The following PREX2 variants were observed in gnomAD, a reference collection of about 807,000 sequenced individuals.
PREX2 encodes the protein phosphatidylinositol-3,4,5-trisphosphate dependent Rac exchange factor 2, also known as phosphatidylinositol 3,4,5-trisphosphate-dependent Rac exchanger 2 protein.
A neutral mutation model predicts 203.2 loss-of-function variants in PREX2; 107 were observed. The observed-to-expected ratio is 0.53, with a 90% CI of 0.45 to 0.62. The LOEUF (loss-of-function observed/expected upper bound fraction) is 0.62, where lower values mean the gene tolerates loss of function less well. PREX2 is among the 20% of genes least tolerant of loss of function. The pLI, the probability that PREX2 is intolerant of heterozygous loss-of-function variation, is 0.00. For synonymous variants in PREX2, 672 were observed against 663.6 expected (o/e 1.01, Z -0.19); for missense variants, 1,777 against 1,955.9 (o/e 0.91, Z 1.72).
chr8:68,081,016 A>G (rs1037204094), intron 17 of PREX2, among the ~76,000 whole-genome samples, 178 bp downstream of exon 17: 1 of 152,152 alleles, frequency 6.6e-6, no homozygotes, highest in Non-Finnish European at 1.5e-5. Context: ...GATTAGCAGC[A>G]GCTGAGTCCT....
chr8:68,020,241 A>G (rs1807530607), intron 3 of PREX2, among the ~76,000 whole-genome samples: 1 of 151,874 alleles, frequency 6.6e-6, no homozygotes, highest in South Asian at 2.1e-4. Context: ...CTCTTTATAA[A>G]TGATGCCCGA....
At chr8:68,126,948 A>G (rs577491366) in intron 30 of PREX2, among the ~76,000 whole-genome samples, 1 of 152,060 alleles carries the variant, frequency 6.6e-6, no homozygotes, top group Non-Finnish European at 1.5e-5. Flanking sequence ...GTAAACTTTG[A>G]AAGTTTAAAT....
chr8:68,189,009 T>C (rs968693621), intron 35 of PREX2, among the ~76,000 whole-genome samples: 7 of 152,244 alleles, frequency 4.6e-5, no homozygotes, highest in African/African-American at 1.7e-4. Flanking sequence ...ATTTGCATTC[T>C]AGTGGGGAGT....
intron 35 of PREX2, among the ~76,000 whole-genome samples, chr8:68,179,350 G>C (rs1194738795): frequency 6.6e-6 from 1 of 152,054 alleles, no homozygotes; most frequent in East Asian, 1.9e-4. Context: ...TTTTTTTAAA[G>C]CTGCTGAGAG....
intron 6 of PREX2, among the ~76,000 whole-genome samples, chr8:68,037,608 G>A (rs149853719): frequency 0.015 from 2,268 of 152,224 alleles, 23 homozygotes; most frequent in Non-Finnish European, 0.025. Flanking sequence ...TAATTAGCTA[G>A]AGTGCCTTTG....
At chr8:68,217,764 A>ACTT in intron 38 of PREX2, 46 bp downstream of exon 38, 6 of 1,354,134 alleles carry the variant, frequency 4.4e-6, no homozygotes, top group Non-Finnish European at 6.3e-6. Context: ...TAGGCCCTGG[A>ACTT]CTTGAAGATT....
At chr8:68,105,080 A>G in intron 23 of PREX2, 1 of 1,300,992 alleles carries the variant, frequency 7.7e-7, no homozygotes, top group South Asian at 1.2e-5. Context: ...TTGCACAATC[A>G]GGATGTTCTC....
intron 33 of PREX2, among the ~76,000 whole-genome samples, chr8:68,145,582 A>G (rs1189766315): frequency 6.6e-6 from 1 of 152,298 alleles, no homozygotes; most frequent in East Asian, 1.9e-4. Context: ...AAGTATCATC[A>G]AATGGAGAGG....
In PREX2 at chr8:68,097,035, A is replaced by C. The variant is rs758789015; in HGVS notation, c.2387A>C (p.Asn796Thr). The change falls in exon 22 of 40, where the codon AAC becomes ACC. Residue 796 changes from asparagine (N) to threonine (T), a missense_variant. Asn to Thr is a moderately conservative substitution (Grantham distance 65). Coordinates refer to ENST00000288368, the MANE Select transcript of PREX2 (RefSeq NM_024870.4). ...GTTCCAGAGGTTATTGACAAATTCA[A>C]CACTATGGCCATCATTGATGGGAAG... ...CKVEEVIDKF[N>T]TMAIIDGKKE... 6.8e-6 allele frequency: 11 copies of C among 1,613,604 alleles called. No homozygotes were observed. Among genetic ancestry groups the C allele is most frequent in the Non-Finnish European group, 4.2e-6 (5 of 1,179,746 alleles).
At chr8:68,143,163 C>G (rs1811258694) in intron 33 of PREX2, among the ~76,000 whole-genome samples, 1 of 151,938 alleles carries the variant, frequency 6.6e-6, no homozygotes. Flanking sequence ...GTGTCCTTAC[C>G]CAAATCTCAT....
chr8:68,047,488 T>TATATATATATAC lies in PREX2; in HGVS notation c.943+2909_943+2910insCATATATATATA, dbSNP rs1274949562. 4.3e-4 allele frequency among the ~76,000 whole-genome samples: 48 copies of TATATATATATAC among 110,358 alleles called. 1 individual carries two copies. Among genetic ancestry groups the TATATATATATAC allele is most frequent in the African/African-American group, 2.4e-3 (47 of 19,560 alleles). The allele number at this position is 110,358 out of a possible 152,430, so 72.4% of individuals were successfully genotyped here. A position where few individuals can be genotyped will look rare whatever the true frequency, so the allele number is the denominator to read the frequency against. ...ATGAATTTATATATATATATATATA[T>TATATATATATAC]ATATATATATATATATATACACATA... is the stretch of plus-strand genomic sequence containing the variant. On this transcript the variant is annotated intron_variant, in intron 8 of 39. Coordinates refer to ENST00000288368, the MANE Select transcript of PREX2 (RefSeq NM_024870.4).
intron 31 of PREX2, among the ~76,000 whole-genome samples, chr8:68,130,917 C>T (rs1027259873): frequency 6.6e-6 from 1 of 152,134 alleles, no homozygotes; most frequent in African/African-American, 2.4e-5. Flanking sequence ...CAATGAGTTT[C>T]AATAGTTTGA....
intron 1 of PREX2, among the ~76,000 whole-genome samples, chr8:67,974,377 G>A (rs77830587): frequency 0.024 from 3,638 of 151,578 alleles, 70 homozygotes; most frequent in Non-Finnish European, 0.042. Context: ...TTTTTAAAAA[G>A]CATTCTCATA....
intron 26 of PREX2, 143 bp from the exon 27 acceptor site, chr8:68,118,407 C>A: frequency 3.6e-6 from 2 of 549,932 alleles, no homozygotes; most frequent in Non-Finnish European, 6.4e-6. Flanking sequence ...GTAAGATAGA[C>A]TGAGTTGAAC....
At chr8:68,006,440 C>G (rs184515953) in intron 1 of PREX2, among the ~76,000 whole-genome samples, 1 of 152,248 alleles carries the variant, frequency 6.6e-6, no homozygotes, top group African/African-American at 2.4e-5. Flanking sequence ...CAGTTATATC[C>G]TATTAGATGC....
rs199557569 is a variant in PREX2 at position 68,017,923 on chromosome 8, G to A, written c.213+6G>A. 1.6e-4 allele frequency: 251 copies of A among 1,608,490 alleles called. 2 individuals carry two copies. In the South Asian group the frequency reaches 1.6e-3, roughly 11 times the overall value. The stretch of plus-strand genomic sequence containing the variant: ...TGACAGAAGAAACAGTGAAGGTGAG[G>A]AGGTACAACTGGCCTTCAACCTGAG... On this transcript the variant is annotated splice_donor_region_variant and intron_variant, in intron 2 of 39. Transcript: ENST00000288368.
At chr8:68,095,602 T>C (rs1345594471) in intron 21 of PREX2, among the ~76,000 whole-genome samples, 1 of 151,100 alleles carries the variant, frequency 6.6e-6, no homozygotes, top group Non-Finnish European at 1.5e-5. Flanking sequence ...TGTATATATA[T>C]ATCTTTCTTT....
In PREX2 at chr8:68,078,058, A is replaced by G. The variant is rs144348892; in HGVS notation, c.1642+589A>G. 3.9e-3 allele frequency among the ~76,000 whole-genome samples: 599 copies of G among 152,266 alleles called. 5 individuals carry two copies. The highest frequency in any genetic ancestry group is 0.02 in the Admixed American group (304 of 15,296). ...GACTTCAAGTAAGTCATCAAACAAT[A>G]ATTTTTAAATAAAGTTCTTAGATTT... On this transcript the variant is annotated intron_variant, in intron 15 of 39. Coordinates refer to ENST00000288368, the MANE Select transcript of PREX2 (RefSeq NM_024870.4).
chr8:67,955,082 T>G (rs568686036), intron 1 of PREX2, among the ~76,000 whole-genome samples: 221 of 139,874 alleles, frequency 1.6e-3, no homozygotes, highest in African/African-American at 5.6e-3. Flanking sequence ...AGGTGGAGGT[T>G]GCAGTGAGCC....
Sources: gnomAD v4.1 joint callset for allele counts (sites outside exome capture counted in the v4.1 genomes callset) on GRCh38, gnomAD v4.1.1 for gene constraint, MANE v1.5 for transcripts, NCBI Gene and HGNC (gene_info 2026-07-23, HGNC 2026-07-21) for gene names.